FMN2: variants seen among roughly 807,000 people sequenced by gnomAD.
FMN2 encodes the protein formin-2.
In FMN2, 51 loss-of-function variants were observed where a neutral mutation model predicts 142.3. The observed-to-expected ratio is 0.36, with a 90% CI of 0.29 to 0.45. FMN2 has a LOEUF of 0.45. FMN2 is among the 20% of genes least tolerant of loss of function. The probability of loss-of-function intolerance (pLI) is 1.00; values close to 1 mark genes in which losing one functional copy is unlikely to be tolerated. For synonymous variants in FMN2, 882 were observed against 869.8 expected, an observed-to-expected ratio of 1.01 and a Z score of -0.25; for missense variants, 1,936 against 2,122.8, an observed-to-expected ratio of 0.91 and a Z score of 1.73.
intron 14 of FMN2, among the ~76,000 whole-genome samples, chr1:240,379,178 C>T (rs934099011): frequency 1.3e-5 from 2 of 152,222 alleles, no homozygotes; most frequent in Admixed American, 6.5e-5. Context: ...TCCTTCATGC[C>T]AGTGATAATT....
chr1:240,318,449 G>A (rs1215496784), intron 8 of FMN2, among the ~76,000 whole-genome samples: 3 of 151,572 alleles, frequency 2.0e-5, no homozygotes, highest in Admixed American at 2.0e-4. Context: ...GTGGTTCCAG[G>A]TTCTAAGCTT....
intron 2 of FMN2, among the ~76,000 whole-genome samples, chr1:240,140,667 G>A (rs918235526): frequency 1.3e-5 from 2 of 152,012 alleles, no homozygotes; most frequent in African/African-American, 4.8e-5. Context: ...ATTCTGTGGG[G>A]GGTGGGTGGG....
intron 7 of FMN2, among the ~76,000 whole-genome samples, chr1:240,276,878 G>C (rs1272772337): frequency 6.6e-6 from 1 of 152,198 alleles, no homozygotes; most frequent in Non-Finnish European, 1.5e-5. Context: ...GGCTCTGCCT[G>C]GAAAGGGGAC....
chr1:240,249,150 G>A (rs182340308), intron 6 of FMN2, among the ~76,000 whole-genome samples: 244 of 152,076 alleles, frequency 1.6e-3, no homozygotes, highest in African/African-American at 5.7e-3. Context: ...TGCTTTTGAG[G>A]TCTTAGCCAT....
chr1:240,366,396 C>T (rs551857900), intron 14 of FMN2, among the ~76,000 whole-genome samples: 16 of 152,304 alleles, frequency 1.1e-4, no homozygotes, highest in African/African-American at 3.8e-4. Context: ...GAAATATAAG[C>T]ATACCCTGCT....
At chr1:240,399,513 GA>G (rs1673900543) in intron 15 of FMN2, among the ~76,000 whole-genome samples, 1 of 152,114 alleles carries the variant, frequency 6.6e-6, no homozygotes, top group Admixed American at 6.6e-5. Flanking sequence ...GCCGCTGCAG[GA>G]GCTCTAATCC....
At chr1:240,377,746 C>T (rs1490211212) in intron 14 of FMN2, among the ~76,000 whole-genome samples, 1 of 152,132 alleles carries the variant, frequency 6.6e-6, no homozygotes, top group Non-Finnish European at 1.5e-5. Flanking sequence ...ATGAGCTTCT[C>T]ATCTTAAGGT....
At chr1:240,130,183 A>G (rs1317387713) in intron 2 of FMN2, among the ~76,000 whole-genome samples, 1 of 152,208 alleles carries the variant, frequency 6.6e-6, no homozygotes, top group Non-Finnish European at 1.5e-5. Context: ...TGAATATTGC[A>G]CTGCAGAGGC....
intron 8 of FMN2, among the ~76,000 whole-genome samples, chr1:240,304,407 G>T (rs1156946789): frequency 2.0e-5 from 3 of 152,180 alleles, no homozygotes; most frequent in Admixed American, 6.5e-5. Flanking sequence ...TAAGCCTGAA[G>T]TGTAAACTTA....
intron 6 of FMN2, among the ~76,000 whole-genome samples, chr1:240,254,294 G>A (rs1668377471): frequency 6.6e-6 from 1 of 152,070 alleles, no homozygotes; most frequent in African/African-American, 2.4e-5. Context: ...ATGGGTGAGT[G>A]GATGGTGTGG....
chr1:240,286,287 A>T (rs1669587821), intron 7 of FMN2, among the ~76,000 whole-genome samples: 1 of 152,262 alleles, frequency 6.6e-6, no homozygotes, highest in South Asian at 2.1e-4. Context: ...ATAGCAACCT[A>T]TCCTACAATT....
At chr1:240,328,147 CAAAAAAAAAAA>C (rs780595882) in intron 8 of FMN2, among the ~76,000 whole-genome samples, 3 of 51,456 alleles carry the variant, frequency 5.8e-5, no homozygotes, top group Non-Finnish European at 1.1e-4. Context: ...GACCCCATCT[CAAAAAAAAAAA>C]AAAAAAAAAA....
At chr1:240,298,446 T>G (rs1670069636) in intron 8 of FMN2, among the ~76,000 whole-genome samples, 1 of 152,182 alleles carries the variant, frequency 6.6e-6, no homozygotes, top group African/African-American at 2.4e-5. Context: ...TTTGGAACAG[T>G]TCTTCCCTAA....
At chr1:240,184,236 C>CTTTTTTTTTTTTTTTTTTTTTTTT (rs34050336) in intron 3 of FMN2, among the ~76,000 whole-genome samples, 1 of 79,438 alleles carries the variant, frequency 1.3e-5, no homozygotes, top group African/African-American at 5.0e-5. Flanking sequence ...AATATTTAAC[C>CTTTTTTTTTTTTTTTTTTTTTTTT]TTTTTTTTTT....
At chr1:240,440,797 ACT>A (rs930173070) in intron 16 of FMN2, among the ~76,000 whole-genome samples, 8 of 151,890 alleles carry the variant, frequency 5.3e-5, no homozygotes, top group Non-Finnish European at 5.9e-5. Flanking sequence ...TTGAAGAACA[ACT>A]CTGTTCCTTT....
intron 4 of FMN2, among the ~76,000 whole-genome samples, chr1:240,193,451 C>A (rs1208095224): frequency 6.6e-6 from 1 of 152,162 alleles, no homozygotes; most frequent in Non-Finnish European, 1.5e-5. Context: ...TGTTGAGAGA[C>A]TACAATTAAG....
At chr1:240,339,881 A>G (rs906476310) in intron 13 of FMN2, among the ~76,000 whole-genome samples, 1 of 152,002 alleles carries the variant, frequency 6.6e-6, no homozygotes, top group Non-Finnish European at 1.5e-5. Flanking sequence ...CTGGTTGTCT[A>G]TTTGATAAAT....
chr1:240,261,340 A>G (rs917536910), intron 7 of FMN2, among the ~76,000 whole-genome samples: 2 of 136,580 alleles, frequency 1.5e-5, no homozygotes, highest in Non-Finnish European at 3.1e-5. Flanking sequence ...AGGCCCCTTC[A>G]TTAACCAGTA....
chr1:240,237,634 T>C lies in FMN2; in HGVS notation c.4066-20311T>C, dbSNP rs182932038. Among the ~76,000 whole-genome samples, 127 of 152,294 alleles carry C rather than the reference T, an allele frequency of 8.3e-4. 1 individual carries two copies. The highest frequency in any genetic ancestry group is 2.1e-4 in the South Asian group (1 of 4,826). On this transcript the variant is annotated intron_variant, in intron 6 of 17. Coordinates refer to ENST00000319653, the MANE Select transcript of FMN2 (RefSeq NM_020066.5). Reference sequence around the variant, plus strand: ...GGTGTGGTGACAGAAGGGAATTTCATTGGAGCATTAAGATAATCAGAGACT... The same window carrying C: ...GGTGTGGTGACAGAAGGGAATTTCACTGGAGCATTAAGATAATCAGAGACT...
Sources: gnomAD v4.1 joint callset for allele counts (sites outside exome capture counted in the v4.1 genomes callset) on GRCh38, gnomAD v4.1.1 for gene constraint, MANE v1.5 for transcripts, NCBI Gene and HGNC (gene_info 2026-07-23, HGNC 2026-07-21) for gene names.